Variants in POLA1 observed in about 807,000 individuals in gnomAD.
The protein encoded by POLA1 is DNA polymerase alpha 1, catalytic subunit, also known as DNA polymerase alpha catalytic subunit.
A neutral mutation model predicts 124.0 loss-of-function variants in POLA1; 15 were observed. The ratio of observed to expected loss-of-function variants is 0.12; its 90% CI spans 0.08 to 0.19. The LOEUF (loss-of-function observed/expected upper bound fraction) is 0.19. POLA1 is among the 10% of genes least tolerant of loss of function. POLA1 has a pLI of 1.00. For synonymous variants in POLA1, 408 were observed against 389.4 expected, an observed-to-expected ratio of 1.05 and a Z score of -0.56; for missense variants, 886 against 1,103.4, an observed-to-expected ratio of 0.80 and a Z score of 2.79.
At chrX:24,823,403 CTTT>C (rs1405893977) in intron 31 of POLA1, among the ~76,000 whole-genome samples, 1 of 99,308 alleles carries the variant, frequency 1.0e-5, no homozygotes, top group Non-Finnish European at 2.1e-5. Context: ...TATCATGACA[CTTT>C]TTTTTTTTTT....
In POLA1 at chrX:24,965,958, G is replaced by C. The variant is rs1320760247; in HGVS notation, c.4262-29847G>C. ...CTCTTGCTCCAATATTTTCACCTCT[G>C]ATTGGCAATTCAAATGTGGAAAGCT... On this transcript the variant is annotated intron_variant, in intron 36 of 36. Coordinates refer to ENST00000379068, the MANE Select transcript of POLA1 (RefSeq NM_001330360.2). Among the ~76,000 whole-genome samples the C allele has an allele frequency of 1.4e-4, 16 of 111,843 alleles. No individual in the cohort carries two copies. In the Admixed American group the frequency reaches 1.5e-3, roughly 11 times the overall value.
chrX:24,735,570 C>CAAA, intron 18 of POLA1, 82 bp downstream of exon 18: 1 of 565,558 alleles, frequency 1.8e-6, no homozygotes, highest in East Asian at 3.4e-5. Flanking sequence ...TGCTTTTGAG[C>CAAA]AGCAAATAAT....
intron 35 of POLA1, among the ~76,000 whole-genome samples, chrX:24,912,411 T>C (rs894107821): frequency 2.7e-5 from 3 of 111,984 alleles, no homozygotes. Context: ...CAAAAGACAC[T>C]GTTAAGGCAA....
At chrX:24,870,387 T>A (rs1267238532) in intron 34 of POLA1, among the ~76,000 whole-genome samples, 4 of 112,114 alleles carry the variant, frequency 3.6e-5, no homozygotes, top group African/African-American at 9.7e-5. Context: ...AAAAAATTCA[T>A]CCTGTTACGA....
At chrX:24,882,429 G>A (rs748274238) in intron 34 of POLA1, among the ~76,000 whole-genome samples, 1 of 111,015 alleles carries the variant, frequency 9.0e-6, no homozygotes, top group Non-Finnish European at 1.9e-5. Flanking sequence ...CTGTCACCCA[G>A]GTAGTGAGCA....
chrX:24,724,082 T>C (rs1426486924), intron 11 of POLA1, among the ~76,000 whole-genome samples: 1 of 112,724 alleles, frequency 8.9e-6, no homozygotes, highest in African/African-American at 3.2e-5. Flanking sequence ...ACAACACTTA[T>C]TCTTCCATTT....
At chrX:24,703,886 T>G (rs2148315436) in intron 3 of POLA1, among the ~76,000 whole-genome samples, 1 of 112,026 alleles carries the variant, frequency 8.9e-6, no homozygotes, top group Admixed American at 9.5e-5. Flanking sequence ...CCTGTGCCCC[T>G]TCTGAAAGCT....
intron 26 of POLA1, among the ~76,000 whole-genome samples, chrX:24,757,436 CTTTTTTTTT>C (rs66782103): frequency 1.6e-5 from 1 of 62,143 alleles, no homozygotes; most frequent in Non-Finnish European, 2.8e-5. Context: ...AAATCTGAAA[CTTTTTTTTT>C]TTTTTTTTTT....
intron 36 of POLA1, among the ~76,000 whole-genome samples, chrX:24,975,053 C>T (rs775439427): frequency 8.9e-6 from 1 of 112,285 alleles, no homozygotes; most frequent in African/African-American, 3.2e-5. Flanking sequence ...GCTCTGTCAC[C>T]CAGGCTGGAG....
chrX:24,717,081 G>A (rs1602271656), intron 8 of POLA1, 110 bp downstream of exon 8: 2 of 571,276 alleles, frequency 3.5e-6, no homozygotes, highest in East Asian at 7.0e-5. Flanking sequence ...GTGATGGCAA[G>A]TTTAAATGTG....
At chrX:24,837,991 A>G (rs888127723) in intron 32 of POLA1, among the ~76,000 whole-genome samples, 1 of 112,174 alleles carries the variant, frequency 8.9e-6, no homozygotes, top group African/African-American at 3.2e-5. Context: ...TCAAGTTATG[A>G]ACAGTTTAAA....
chrX:24,945,454 G>C (rs186755826), intron 36 of POLA1, among the ~76,000 whole-genome samples: 1 of 112,457 alleles, frequency 8.9e-6, no homozygotes, highest in Non-Finnish European at 1.9e-5. Flanking sequence ...CATGGTCCCT[G>C]TTCTCAAGGA....
rs1387145080 is a variant in POLA1 at position 24,704,473 on chromosome X, C to T, written c.346+4C>T. ...GCCCTTGATGCTGATGAGAAAGGTA[C>T]CTACCTTTTGTTTTCCAGGGTGTTG... On this transcript the variant is annotated splice_donor_region_variant and intron_variant, in intron 4 of 36. Transcript: ENST00000379068. 3.5e-6 allele frequency: 4 copies of T among 1,139,297 alleles called. No homozygotes were observed. Among genetic ancestry groups the T allele is most frequent in the Non-Finnish European group, 4.8e-6 (4 of 832,870 alleles). The allele number at this position is 1,139,297 out of a possible 1,213,427, so 93.9% of individuals were successfully genotyped here.
At chrX:24,806,137 A>G (rs2045797044) in intron 26 of POLA1, among the ~76,000 whole-genome samples, 1 of 85,141 alleles carries the variant, frequency 1.2e-5, no homozygotes, top group Non-Finnish European at 2.1e-5. Flanking sequence ...TAATGAAAAG[A>G]AAGTGAAACA....
intron 35 of POLA1, among the ~76,000 whole-genome samples, chrX:24,900,649 AGGAAG>A: frequency 8.9e-6 from 1 of 112,159 alleles, no homozygotes; most frequent in East Asian, 2.8e-4. Context: ...CGCCGCTTCA[AGGAAG>A]GGTGCCGAAT....
chrX:24,921,587 A>G (rs1028481565), intron 35 of POLA1, among the ~76,000 whole-genome samples: 23 of 111,935 alleles, frequency 2.1e-4, no homozygotes, highest in Admixed American at 1.8e-3. Flanking sequence ...ATGTTAGATA[A>G]ATGAATAGTT....
Position 24,868,004 on chromosome X carries a change from C to T in POLA1, c.4048-20002C>T, listed in dbSNP as rs11573443. On this transcript the variant is annotated intron_variant, in intron 34 of 36. Coordinates refer to ENST00000379068, the MANE Select transcript of POLA1 (RefSeq NM_001330360.2). ...GCCCTGGATTCATTTTTCACTAATTCACTCTATTATTTTCTCCTAGTGTTC... is the reference window on the plus strand; with the variant it reads ...GCCCTGGATTCATTTTTCACTAATTTACTCTATTATTTTCTCCTAGTGTTC... Among the ~76,000 whole-genome samples, 671 of 111,830 alleles carry T rather than the reference C, an allele frequency of 6.0e-3. 4 individuals are homozygous for T. The highest frequency in any genetic ancestry group is 8.6e-3 in the Non-Finnish European group (458 of 53,102).
intron 35 of POLA1, among the ~76,000 whole-genome samples, chrX:24,889,758 C>T (rs2047118118): frequency 8.9e-6 from 1 of 112,083 alleles, no homozygotes; most frequent in Non-Finnish European, 1.9e-5. Flanking sequence ...TTCACAGGCG[C>T]AATCATGGCT....
rs761155790 is a variant in POLA1 at position 24,986,776 on chromosome X, TA to T, written c.4262-9025del. On this transcript the variant is annotated intron_variant, in intron 36 of 36. Transcript: ENST00000379068. ...TATGTATGTTTATATATAGTCACTT[TA>T]AAAGTCTGCCTTTGACTTTATTATC... 3.6e-5 allele frequency among the ~76,000 whole-genome samples: 4 copies of T among 110,514 alleles called. No homozygotes were observed. The South Asian group carries it at 1.6e-3, about 44-fold the overall frequency.
Sources: allele counts gnomAD v4.1 joint callset (sites outside exome capture counted in the v4.1 genomes callset), GRCh38; gene constraint gnomAD v4.1.1; transcripts MANE v1.5; gene names NCBI Gene and HGNC (gene_info 2026-07-23, HGNC 2026-07-21).